The following MAGT1 variants were observed in gnomAD, a reference collection of about 807,000 sequenced individuals.
The protein encoded by MAGT1 is dolichyl-diphosphooligosaccharide--protein glycosyltransferase subunit MAGT1.
Under a neutral mutation model 28.4 loss-of-function variants are expected in MAGT1, and 4 were observed. The ratio of observed to expected loss-of-function variants is 0.14; its 90% CI spans 0.07 to 0.32. The LOEUF (loss-of-function observed/expected upper bound fraction) is 0.32, where lower values mean the gene tolerates loss of function less well. Among genes scored for constraint, MAGT1 ranks in the 10% least tolerant of loss-of-function variants. The probability of loss-of-function intolerance (pLI) is 1.00; values close to 1 mark genes in which losing one functional copy is unlikely to be tolerated. For synonymous variants in MAGT1, 89 were observed against 89.7 expected (o/e 0.99, Z 0.04); for missense variants, 193 against 264.5 (o/e 0.73, Z 1.88).
At chrX:77,856,302 G>T (rs1340412957) in intron 5 of MAGT1, among the ~76,000 whole-genome samples, 2 of 110,161 alleles carry the variant, frequency 1.8e-5, no homozygotes, top group African/African-American at 6.6e-5. Flanking sequence ...GCTGGGCGTG[G>T]TGGCACACGC....
At chrX:77,871,898 G>A (rs1262107683) in intron 2 of MAGT1, among the ~76,000 whole-genome samples, 3 of 110,926 alleles carry the variant, frequency 2.7e-5, no homozygotes, top group Non-Finnish European at 1.9e-5. Context: ...TCTCCCATAT[G>A]CTTTCAGTTC....
chrX:77,877,779 C>T (rs1213750204), intron 1 of MAGT1, among the ~76,000 whole-genome samples: 1 of 106,562 alleles, frequency 9.4e-6, no homozygotes, highest in African/African-American at 3.4e-5. Context: ...CGCCACTGCG[C>T]TCCAACGTGG....
rs782582574 is a variant in MAGT1, at chrX:77,844,759, T to G, written c.827-3439A>C. Among the ~76,000 whole-genome samples the G allele has an allele frequency of 3.6e-5, 4 of 111,653 alleles. No homozygotes were observed. The East Asian group carries it at 8.4e-4, about 24-fold the overall frequency. On this transcript the variant is annotated intron_variant, in intron 7 of 9. Coordinates refer to ENST00000618282, the MANE Select transcript of MAGT1 (RefSeq NM_001367916.1). Reference sequence around the variant, plus strand: ...TTCCATGTAGTTGAGTGGTTCTGAGTGAGTTTCTTAATCCTGAGTTCTAGT... The same window carrying G: ...TTCCATGTAGTTGAGTGGTTCTGAGGGAGTTTCTTAATCCTGAGTTCTAGT...
chrX:77,851,901 C>T (rs2076969395), intron 7 of MAGT1, among the ~76,000 whole-genome samples: 1 of 110,111 alleles, frequency 9.1e-6, no homozygotes, highest in African/African-American at 3.3e-5. Context: ...TCCCCCGCCC[C>T]GCCGCCCGCC....
intron 5 of MAGT1, 55 bp from the exon 6 acceptor site, chrX:77,855,645 T>G: frequency 1.1e-6 from 1 of 908,008 alleles, no homozygotes; most frequent in Non-Finnish European, 1.6e-6. Flanking sequence ...TTGTCTTGAT[T>G]AGATAACAGG....
intron 2 of MAGT1, among the ~76,000 whole-genome samples, chrX:77,874,750 T>C (rs917406531): frequency 4.5e-5 from 5 of 111,306 alleles, no homozygotes; most frequent in African/African-American, 1.6e-4. Context: ...TTGCTTTACC[T>C]ACCTTTTGGG....
chrX:77,859,323 CCA>C (rs2076989063), intron 3 of MAGT1, among the ~76,000 whole-genome samples: 1 of 112,254 alleles, frequency 8.9e-6, no homozygotes, highest in African/African-American at 3.2e-5. Context: ...ATTCTGGCAG[CCA>C]CAGTTACCAT....
intron 8 of MAGT1, among the ~76,000 whole-genome samples, chrX:77,835,031 C>T (rs900710857): frequency 1.2e-4 from 13 of 106,654 alleles, no homozygotes; most frequent in Non-Finnish European, 3.9e-5. Flanking sequence ...TCTCAGCTCA[C>T]TGCAAGCTCC....
At chrX:77,842,754 G>C (rs1442563726) in intron 7 of MAGT1, among the ~76,000 whole-genome samples, 1 of 110,723 alleles carries the variant, frequency 9.0e-6, no homozygotes, top group Non-Finnish European at 1.9e-5. Context: ...TTGAACCCGG[G>C]AGGCAGAGGT....
intron 8 of MAGT1, among the ~76,000 whole-genome samples, chrX:77,837,812 G>A (rs1002370537): frequency 9.9e-5 from 11 of 111,163 alleles, no homozygotes; most frequent in Non-Finnish European, 1.1e-4. Flanking sequence ...GCGCGATCTC[G>A]GCTCACTGCA....
intron 3 of MAGT1, among the ~76,000 whole-genome samples, chrX:77,858,568 T>C (rs1017003800): frequency 8.9e-6 from 1 of 112,219 alleles, no homozygotes; most frequent in Non-Finnish European, 1.9e-5. Flanking sequence ...AAAATCCTTC[T>C]AACAGTAAGT....
intron 1 of MAGT1, among the ~76,000 whole-genome samples, chrX:77,881,835 G>A (rs2077053583): frequency 1.8e-5 from 2 of 110,998 alleles, no homozygotes; most frequent in Non-Finnish European, 3.8e-5. Flanking sequence ...CTGAGGAATT[G>A]CCACACTGTC....
chrX:77,891,984 C>T (rs782448701), intron 1 of MAGT1, among the ~76,000 whole-genome samples: 159 of 108,858 alleles, frequency 1.5e-3, no homozygotes, highest in Non-Finnish European at 2.5e-3. Flanking sequence ...GTCTCGCTCT[C>T]TTGTTCAAGC....
intron 1 of MAGT1, among the ~76,000 whole-genome samples, chrX:77,876,700 T>C (rs1052304797): frequency 1.8e-5 from 2 of 111,763 alleles, no homozygotes; most frequent in African/African-American, 6.5e-5. Context: ...TAGCCAAAAA[T>C]ATGAACTTCA....
intron 1 of MAGT1, among the ~76,000 whole-genome samples, chrX:77,879,671 G>A (rs1336339351): frequency 9.0e-6 from 1 of 110,749 alleles, no homozygotes; most frequent in East Asian, 2.8e-4. Context: ...CAGTAAATGT[G>A]TACTAAATTT....
At chrX:77,882,824 G>T (rs148008286) in intron 1 of MAGT1, among the ~76,000 whole-genome samples, 2,558 of 106,577 alleles carry the variant, frequency 0.024, 76 homozygotes, top group African/African-American at 0.083. Flanking sequence ...AAAATTGGTC[G>T]GATGTGGTGG....
At chrX:77,869,026 A>G (rs1264356364) in intron 3 of MAGT1, among the ~76,000 whole-genome samples, 1 of 111,705 alleles carries the variant, frequency 9.0e-6, no homozygotes, top group Non-Finnish European at 1.9e-5. Context: ...AGAAGATAAC[A>G]TTGTAAAAAC....
intron 7 of MAGT1, among the ~76,000 whole-genome samples, chrX:77,846,460 G>T (rs1246112957): frequency 8.9e-6 from 1 of 112,341 alleles, no homozygotes; most frequent in Non-Finnish European, 1.9e-5. Context: ...GTCCAGGTTT[G>T]TTTCTTTGCT....
rs2149007147 is a variant in MAGT1, at chrX:77,827,184, AATG to A, written c.*2033_*2035del. 1 of 111,834 alleles carries A rather than the reference AATG, an allele frequency of 8.9e-6. No individual in the cohort carries two copies. Among genetic ancestry groups the A allele is most frequent in the South Asian group, 3.7e-4 (1 of 2,726 alleles). The allele number at this position is 111,834 out of a possible 1,213,427, so 9.2% of individuals were successfully genotyped here. On this transcript the variant is annotated 3_prime_UTR_variant, in exon 10 of 10. Transcript: ENST00000618282. ...TATGGGGGAGGTTATAGTTAGATAT[AATG>A]ATAACCATGAAAACATTCTTCACAG... is the stretch of plus-strand genomic sequence containing the variant.
Sources: gnomAD v4.1 joint callset for allele counts (sites outside exome capture counted in the v4.1 genomes callset) on GRCh38, gnomAD v4.1.1 for gene constraint, MANE v1.5 for transcripts, NCBI Gene and HGNC (gene_info 2026-07-23, HGNC 2026-07-21) for gene names.